Variants in ANLN observed in about 807,000 individuals in gnomAD.
ANLN encodes anillin, actin binding protein.
Under a neutral mutation model 135.1 loss-of-function variants are expected in ANLN, and 59 were observed. The ratio of observed to expected loss-of-function variants is 0.44; its 90% CI spans 0.35 to 0.54. The LOEUF is 0.54. Ranked by LOEUF, ANLN falls within the 20% of genes least tolerant of loss-of-function variation. The pLI, the probability that ANLN is intolerant of heterozygous loss-of-function variation, is 0.00. For missense variants in ANLN, 1,182 were observed against 1,340.0 expected (o/e 0.88, Z 1.84); for synonymous variants, 406 against 456.4 (o/e 0.89, Z 1.41).
chr7:36,409,545 C>A (rs980782473), intron 5 of ANLN, among the ~76,000 whole-genome samples: 9 of 151,910 alleles, frequency 5.9e-5, no homozygotes, highest in Non-Finnish European at 1.0e-4. Context: ...TATAGATAAG[C>A]CTATTTTTTT....
In ANLN at chr7:36,407,968, A is replaced by C. The variant is rs1260594671; in HGVS notation, c.1096+12A>C. 6.3e-7 allele frequency: 1 copy of C among 1,596,450 alleles called. No homozygotes were observed. Among genetic ancestry groups the C allele is most frequent in the Non-Finnish European group, 8.6e-7 (1 of 1,169,294 alleles). ...ATCTACGACACCAGGTTACGTATTT[A>C]TAAAAAATTTAGTTATTGCTGATTA... is the stretch of plus-strand genomic sequence containing the variant. On this transcript the variant is annotated intron_variant, in intron 5 of 23. Transcript: ENST00000265748.
At position 36,406,152 on chromosome 7, in the gene ANLN, T is replaced by G. The variant is rs776838798; in HGVS notation, c.488-29T>G. The G allele has an allele frequency of 9.6e-6, 15 of 1,563,050 alleles. No homozygotes were observed. In the Middle Eastern group the frequency reaches 1.0e-3, roughly 108 times the overall value. On this transcript the variant is annotated intron_variant, in intron 3 of 23. Transcript: ENST00000265748. ...CGTAAGCATTACTCTTAAACATGGT[T>G]TTTAACTCTTTTCTGAAAACATTTT...
At chr7:36,404,397 A>G (rs933363846) in intron 3 of ANLN, among the ~76,000 whole-genome samples, 3 of 152,202 alleles carry the variant, frequency 2.0e-5, no homozygotes, top group East Asian at 1.9e-4. Context: ...CCCAATTGCC[A>G]TCATTCACAC....
In ANLN at chr7:36,424,600, T is replaced by C. The variant is rs1429244466; in HGVS notation, c.2652+7T>C. The C allele has an allele frequency of 6.3e-7, 1 of 1,598,862 alleles. No individual in the cohort carries two copies. Among genetic ancestry groups the C allele is most frequent in the Non-Finnish European group, 8.5e-7 (1 of 1,172,336 alleles). On this transcript the variant is annotated splice_region_variant and intron_variant, in intron 16 of 23. Transcript: ENST00000265748. Reference sequence around the variant, plus strand: ...TATTGAAGTTTACAGCTTGGTAAGCTGATAAAGCCTTCTAAAATAATGAAG... The same window carrying C: ...TATTGAAGTTTACAGCTTGGTAAGCCGATAAAGCCTTCTAAAATAATGAAG...
chr7:36,393,209 A>G (rs1786556211), intron 1 of ANLN, among the ~76,000 whole-genome samples: 1 of 151,984 alleles, frequency 6.6e-6, no homozygotes, highest in African/African-American at 2.4e-5. Context: ...TTTTTAGTAG[A>G]GATGGGGTTT....
chr7:36,407,787 T>A lies in ANLN; in HGVS notation c.927T>A (p.Cys309Ter). 1 of 1,613,892 alleles carries A rather than the reference T, an allele frequency of 6.2e-7. No homozygotes were observed. Among genetic ancestry groups the A allele is most frequent in the Non-Finnish European group, 8.5e-7 (1 of 1,179,836 alleles). Residue 309 changes from cysteine to a stop codon, truncating the protein, a stop_gained, in exon 5 of 24, where the codon TGT (cysteine) becomes TGA (stop). Coordinates refer to ENST00000265748, the MANE Select transcript of ANLN (RefSeq NM_018685.5). LOFTEE classifies it high-confidence loss of function. ...CATCTATCACTGATGCTAAAAGTTGTGAGGGACAAAATCCTGAGCTACTTC... is the reference window on the plus strand; with the variant it reads ...CATCTATCACTGATGCTAAAAGTTGAGAGGGACAAAATCCTGAGCTACTTC... ...STTSITDAKS[C>*]EGQNPELLPK...
At chr7:36,439,541 C>G (rs1031108477) in intron 21 of ANLN, among the ~76,000 whole-genome samples, 4 of 152,158 alleles carry the variant, frequency 2.6e-5, no homozygotes, top group African/African-American at 9.7e-5. Flanking sequence ...CAATATAATA[C>G]TCTAATAGGA....
At position 36,407,831 on chromosome 7, in the gene ANLN, C is replaced by G. The variant is rs368041792; in HGVS notation, c.971C>G (p.Pro324Arg). ...PELLPKTPIS[P>R]LKTGVSKPIV... ...CTACTTCCAAAAACTCCTATTAGTC[C>G]TCTGAAAACGGGGGTATCGAAACCA... The change falls in exon 5 of 24, where the codon CCT becomes CGT. Residue 324 changes from proline (P) to arginine (R), a missense_variant. By Grantham distance (103) the Pro-to-Arg change is moderately radical (BLOSUM62 -2). Around this residue, in one of 3 missense-constraint regions of ANLN, gnomAD observed 1,022 missense variants for 1,134.0 expected, o/e 0.90. Coordinates refer to ENST00000265748, the MANE Select transcript of ANLN (RefSeq NM_018685.5). The G allele has an allele frequency of 2.3e-5, 37 of 1,613,664 alleles. No homozygotes were observed. Among genetic ancestry groups the G allele is most frequent in the Middle Eastern group, 3.3e-4 (2 of 6,082 alleles).
At chr7:36,417,712 C>CTG (rs1408412000) in intron 9 of ANLN, among the ~76,000 whole-genome samples, 5 of 132,538 alleles carry the variant, frequency 3.8e-5, no homozygotes, top group African/African-American at 1.4e-4. Flanking sequence ...CAGTCTCACT[C>CTG]TGTCGCCCAG....
chr7:36,444,232 G>C (rs1788896316), intron 22 of ANLN, among the ~76,000 whole-genome samples: 1 of 151,472 alleles, frequency 6.6e-6, no homozygotes. Context: ...CAAGGTTGCA[G>C]TGAGCCGAGA....
chr7:36,390,127 C>A, intron 1 of ANLN, 83 bp downstream of exon 1: 3 of 1,601,866 alleles, frequency 1.9e-6, no homozygotes, highest in Non-Finnish European at 2.6e-6. Context: ...TCTGGGCGAA[C>A]CCCCACCGGG....
At chr7:36,392,285 A>C (rs928711527) in intron 1 of ANLN, among the ~76,000 whole-genome samples, 4 of 152,176 alleles carry the variant, frequency 2.6e-5, no homozygotes, top group African/African-American at 9.7e-5. Flanking sequence ...AATTAAATGA[A>C]GTTCCCTGGG....
rs150782611 is a variant in ANLN at position 36,421,295 on chromosome 7, T to G, written c.2163+551T>G. 2.4e-3 allele frequency among the ~76,000 whole-genome samples: 368 copies of G among 152,138 alleles called. 2 individuals carry two copies. The highest frequency in any genetic ancestry group is 8.6e-3 in the African/African-American group (359 of 41,512). On this transcript the variant is annotated intron_variant, in intron 12 of 23. Transcript: ENST00000265748. ...GTTGGTCAGGCTAGTCTCAAACTCT[T>G]GAACTCAGGTGACCCACCCACCTCA...
rs1264009974 is a variant in ANLN at position 36,411,105 on chromosome 7, G to A, written c.1334G>A (p.Gly445Asp). 9 of 1,611,858 alleles carry A rather than the reference G, an allele frequency of 5.6e-6. No individual in the cohort carries two copies. The highest frequency in any genetic ancestry group is 7.6e-6 in the Non-Finnish European group (9 of 1,179,546). ...LACLRGRFDK[G>D]NIWSAEKGGN... The stretch of plus-strand genomic sequence containing the variant: ...TGTCTTCGTGGCCGATTTGACAAGG[G>A]CAATATATGGAGTGCAGAAAAAGGC... The change falls in exon 7 of 24, where the codon GGC becomes GAC. Residue 445 changes from glycine (G) to aspartate (D), a missense_variant. Physicochemically the swap from Gly to Asp is moderately conservative, Grantham distance 94. This residue lies in a region of ANLN where 1,022 missense variants were observed against 1,134.0 expected (regional missense o/e 0.90). Coordinates refer to ENST00000265748, the MANE Select transcript of ANLN (RefSeq NM_018685.5).
At position 36,452,714 on chromosome 7, in the gene ANLN, C is replaced by A; in HGVS notation, c.*114C>A. ...GCTTTAAGTACGAAAGGGTTTGTGC[C>A]AATATTCACTACGTATTATGCAGTA... On this transcript the variant is annotated 3_prime_UTR_variant, in exon 24 of 24. Coordinates refer to ENST00000265748, the MANE Select transcript of ANLN (RefSeq NM_018685.5). 2 of 1,240,016 alleles carry A rather than the reference C, an allele frequency of 1.6e-6. No individual in the cohort carries two copies. Among genetic ancestry groups the A allele is most frequent in the Non-Finnish European group, 2.3e-6 (2 of 880,318 alleles). 76.8% of individuals were successfully genotyped at this position (1,240,016 alleles called of 1,614,324 possible).
rs1787775750 is a variant in ANLN at position 36,419,363 on chromosome 7, G to A, written c.1753G>A (p.Glu585Lys). The change falls in exon 10 of 24, where the codon GAG becomes AAG. Residue 585 changes from glutamate (E) to lysine (K), a missense_variant. Glu to Lys is a moderately conservative substitution (Grantham distance 56). This residue lies in a region of ANLN where 1,022 missense variants were observed against 1,134.0 expected (regional missense o/e 0.90). Transcript: ENST00000265748. Reference protein sequence around the residue: ...EGELDMEKSQEEMDQALAESS... With the variant: ...EGELDMEKSQKEMDQALAESS... ...TGAACTAGATATGGAGAAGAGCCAA[G>A]AGGAGATGGATCAAGCATTAGCAGA... The A allele has an allele frequency of 6.2e-7, 1 of 1,614,120 alleles. No individual in the cohort carries two copies.
At position 36,428,361 on chromosome 7, in the gene ANLN, GTTGCCATTATTTTCT is replaced by G. The variant is rs1471807405; in HGVS notation, c.2883+1338_2883+1352del. 17 of 1,283,240 alleles carry G rather than the reference GTTGCCATTATTTTCT, an allele frequency of 1.3e-5. No homozygotes were observed. In the African/African-American group the frequency reaches 2.4e-4, roughly 18 times the overall value. 79.5% of individuals were successfully genotyped at this position (1,283,240 alleles called of 1,614,324 possible). ...ACTGGGCTATTTGTTCCAGGAAAAG[GTTGCCATTATTTTCT>G]TTGCTTGAAATTAATGAGCTTAAAA... is the stretch of plus-strand genomic sequence containing the variant. On this transcript the variant is annotated intron_variant, in intron 20 of 23. Transcript: ENST00000265748.
chr7:36,444,159 A>G (rs1290434628), intron 22 of ANLN, among the ~76,000 whole-genome samples: 1 of 152,098 alleles, frequency 6.6e-6, no homozygotes, highest in Non-Finnish European at 1.5e-5. Context: ...GTGTGGTGGC[A>G]GGTGCCTGTA....
At chr7:36,417,911 G>A (rs958795149) in intron 9 of ANLN, among the ~76,000 whole-genome samples, 10 of 151,908 alleles carry the variant, frequency 6.6e-5, no homozygotes, top group Admixed American at 5.2e-4. Flanking sequence ...TCCTGACCTC[G>A]TGATCTGCCT....
Sources: allele counts gnomAD v4.1 joint callset (sites outside exome capture counted in the v4.1 genomes callset), GRCh38; gene constraint gnomAD v4.1.1; regional missense constraint gnomAD v4.1.1; transcripts MANE v1.5; gene names NCBI Gene and HGNC (gene_info 2026-07-23, HGNC 2026-07-21).